The following ATP6V1C1 variants were observed in gnomAD, a reference collection of about 807,000 sequenced individuals.
The protein encoded by ATP6V1C1 is V-type proton ATPase subunit C 1.
In ATP6V1C1, 45 loss-of-function variants were observed where a neutral mutation model predicts 53.9. That is an observed-to-expected ratio of 0.83 (90% CI 0.66 to 1.07). ATP6V1C1 has a LOEUF of 1.07. Among genes scored for constraint, ATP6V1C1 ranks in the 50% least tolerant of loss-of-function variants. The pLI, the probability that ATP6V1C1 is intolerant of heterozygous loss-of-function variation, is 0.00. For synonymous variants in ATP6V1C1, 153 were observed against 155.2 expected, an observed-to-expected ratio of 0.99 and a Z score of 0.11; for missense variants, 315 against 440.3, an observed-to-expected ratio of 0.72 and a Z score of 2.55.
chr8:103,026,499 T>G lies in ATP6V1C1; in HGVS notation c.-40+5274T>G, dbSNP rs528756423. Among the ~76,000 whole-genome samples the G allele has an allele frequency of 1.1e-4, 16 of 152,282 alleles. 1 individual carries two copies. In the South Asian group the frequency reaches 3.3e-3, roughly 32 times the overall value. On this transcript the variant is annotated intron_variant, in intron 1 of 12. Transcript: ENST00000518738. ...TCCATTGAAAACAAAACACGGAATA[T>G]TTAAGATTTATTTAAGAAAGGCGGG...
intron 1 of ATP6V1C1, 27 bp from the exon 2 acceptor site, chr8:103,040,771 A>G: frequency 6.5e-7 from 1 of 1,547,092 alleles, no homozygotes; most frequent in Non-Finnish European, 8.8e-7. Context: ...TTTAAATGTG[A>G]TTTTTTTTAT....
chr8:103,033,698 A>G (rs1379178552), intron 1 of ATP6V1C1, among the ~76,000 whole-genome samples: 1 of 152,226 alleles, frequency 6.6e-6, no homozygotes, highest in Non-Finnish European at 1.5e-5. Context: ...TGAGACACAT[A>G]CTACATAATA....
intron 1 of ATP6V1C1, among the ~76,000 whole-genome samples, chr8:103,029,989 C>T (rs1563600403): frequency 6.6e-6 from 1 of 152,188 alleles, no homozygotes; most frequent in Admixed American, 6.6e-5. Flanking sequence ...CTGTCTTGGC[C>T]TCCCAAAGTG....
chr8:103,052,560 G>A (rs866671600), intron 5 of ATP6V1C1, among the ~76,000 whole-genome samples, 171 bp from the exon 6 acceptor site: 15 of 151,946 alleles, frequency 9.9e-5, no homozygotes, highest in African/African-American at 3.4e-4. Context: ...AAATGAAGTC[G>A]GCTGTTTTTT....
intron 3 of ATP6V1C1, among the ~76,000 whole-genome samples, chr8:103,043,104 A>G (rs1302137342): frequency 6.6e-6 from 1 of 152,072 alleles, no homozygotes; most frequent in Non-Finnish European, 1.5e-5. Context: ...TTTCTTGGGT[A>G]TGTACCTAAG....
chr8:103,046,916 C>T (rs1306487212), intron 3 of ATP6V1C1, among the ~76,000 whole-genome samples: 3 of 151,958 alleles, frequency 2.0e-5, no homozygotes. Flanking sequence ...TGCAACATTA[C>T]GTTTATAAAT....
At chr8:103,040,070 T>G (rs1816968738) in intron 1 of ATP6V1C1, among the ~76,000 whole-genome samples, 1 of 152,206 alleles carries the variant, frequency 6.6e-6, no homozygotes, top group Non-Finnish European at 1.5e-5. Flanking sequence ...CTTCTGTTTA[T>G]AAATGCATTG....
intron 3 of ATP6V1C1, among the ~76,000 whole-genome samples, chr8:103,043,396 C>T (rs1023683868): frequency 3.0e-4 from 46 of 152,112 alleles, no homozygotes; most frequent in African/African-American, 9.4e-4. Flanking sequence ...GATCTCGTCT[C>T]ACTGCAACCT....
chr8:103,022,493 G>T (rs1375324897), intron 1 of ATP6V1C1, among the ~76,000 whole-genome samples: 2 of 152,088 alleles, frequency 1.3e-5, no homozygotes, highest in African/African-American at 4.8e-5. Flanking sequence ...TCTTTATAGA[G>T]CTTACAGGCA....
In ATP6V1C1 at chr8:103,042,414, T is replaced by C; in HGVS notation, c.200+7T>C. 6.2e-7 allele frequency: 1 copy of C among 1,613,718 alleles called. No homozygotes were observed. Among genetic ancestry groups the C allele is most frequent in the Non-Finnish European group, 8.5e-7 (1 of 1,179,748 alleles). On this transcript the variant is annotated splice_region_variant and intron_variant, in intron 3 of 12. Coordinates refer to ENST00000518738, the MANE Select transcript of ATP6V1C1 (RefSeq NM_001695.5). ...TGGATGCATTTGTAGAAGGGTAATG[T>C]ACTTATATGCATGGAGTAGAGCAAA...
Position 103,072,875 on chromosome 8 carries a change from T to A in ATP6V1C1, c.*4128T>A, listed in dbSNP as rs1250948892. The A allele has an allele frequency of 6.6e-6, 1 of 152,222 alleles. No individual in the cohort carries two copies. Among genetic ancestry groups the A allele is most frequent in the Non-Finnish European group, 1.5e-5 (1 of 68,042 alleles). The allele number at this position is 152,222 out of a possible 1,614,324, so 9.4% of individuals were successfully genotyped here. On this transcript the variant is annotated 3_prime_UTR_variant, in exon 13 of 13. Coordinates refer to ENST00000518738, the MANE Select transcript of ATP6V1C1 (RefSeq NM_001695.5). ...CTGAGGAGAAACAAGACAACATCCT[T>A]CATACCAGGAATGGTCAAGATAATG... is the stretch of plus-strand genomic sequence containing the variant.
At chr8:103,030,355 C>T (rs141622170) in intron 1 of ATP6V1C1, among the ~76,000 whole-genome samples, 1 of 152,112 alleles carries the variant, frequency 6.6e-6, no homozygotes, top group African/African-American at 2.4e-5. Context: ...TGGCTGAATC[C>T]CTGCATAGAA....
At chr8:103,036,873 G>T (rs192837855) in intron 1 of ATP6V1C1, among the ~76,000 whole-genome samples, 2 of 152,092 alleles carry the variant, frequency 1.3e-5, no homozygotes, top group African/African-American at 2.4e-5. Flanking sequence ...TGCCATTTTG[G>T]GGGGAGAGGA....
chr8:103,048,988 C>CT, intron 4 of ATP6V1C1, 33 bp downstream of exon 4: 1 of 1,581,592 alleles, frequency 6.3e-7, no homozygotes, highest in Non-Finnish European at 8.7e-7. Flanking sequence ...TCATTATTAA[C>CT]TCATACAAAG....
intron 8 of ATP6V1C1, among the ~76,000 whole-genome samples, chr8:103,062,114 A>G (rs1438372931): frequency 6.7e-6 from 1 of 150,286 alleles, no homozygotes; most frequent in Non-Finnish European, 1.5e-5. Context: ...TGAGATGCAT[A>G]CAGGCACTTT....
intron 3 of ATP6V1C1, among the ~76,000 whole-genome samples, chr8:103,043,536 T>C (rs1817039850): frequency 6.6e-6 from 1 of 151,978 alleles, no homozygotes; most frequent in African/African-American, 2.4e-5. Context: ...TTTCACCATG[T>C]TGGTCAGGCT....
rs767825523 is a variant in ATP6V1C1, at chr8:103,062,161, GTTTTTTTTTTTTTTTTT to G, written c.642-781_642-765del. Among the ~76,000 whole-genome samples the G allele has an allele frequency of 9.9e-5, 7 of 70,786 alleles. No individual in the cohort carries two copies. In the East Asian group the frequency reaches 1.3e-3, roughly 14 times the overall value. The allele number at this position is 70,786 out of a possible 152,430, so 46.4% of individuals were successfully genotyped here. ...TATTTAGACAGTTGTGTTCATCAGG[GTTTTTTTTTTTTTTTTT>G]TTTTTTTTTTTTGACAGGGACTCAC... On this transcript the variant is annotated intron_variant, in intron 8 of 12. Transcript: ENST00000518738.
At chr8:103,063,294 T>C in intron 10 of ATP6V1C1, 66 bp downstream of exon 10, 1 of 1,085,660 alleles carries the variant, frequency 9.2e-7, no homozygotes. Flanking sequence ...TGCTTTCCTT[T>C]GATTTAAAAG....
intron 1 of ATP6V1C1, among the ~76,000 whole-genome samples, chr8:103,039,246 C>T (rs1014859890): frequency 6.6e-6 from 1 of 151,998 alleles, no homozygotes; most frequent in Non-Finnish European, 1.5e-5. Context: ...TATGGTAGAT[C>T]CTCTATAAAC....
Sources: allele counts gnomAD v4.1 joint callset (sites outside exome capture counted in the v4.1 genomes callset), GRCh38; gene constraint gnomAD v4.1.1; transcripts MANE v1.5; gene names NCBI Gene and HGNC (gene_info 2026-07-23, HGNC 2026-07-21).